The following ABHD17B variants were observed in gnomAD, a reference collection of about 807,000 sequenced individuals.
ABHD17B encodes the protein alpha/beta hydrolase domain-containing protein 17B.
In ABHD17B, 9 loss-of-function variants were observed where a neutral mutation model predicts 26.2. The ratio of observed to expected loss-of-function variants is 0.34; its 90% CI spans 0.21 to 0.60. The LOEUF (loss-of-function observed/expected upper bound fraction) is 0.60. Ranked by LOEUF, ABHD17B falls within the 20% of genes least tolerant of loss-of-function variation. The probability of loss-of-function intolerance (pLI) is 0.80; values close to 1 mark genes in which losing one functional copy is unlikely to be tolerated. For missense variants in ABHD17B, 224 were observed against 352.1 expected (o/e 0.64, Z 2.91); for synonymous variants, 127 against 122.3 (o/e 1.04, Z -0.25).
chr9:71,880,564 GA>G (rs1826410363), intron 1 of ABHD17B, among the ~76,000 whole-genome samples: 1 of 151,970 alleles, frequency 6.6e-6, no homozygotes, highest in African/African-American at 2.4e-5. Flanking sequence ...AAAACCAAAA[GA>G]ATCTAGAAAG....
chr9:71,888,275 T>C (rs994274531), intron 1 of ABHD17B, among the ~76,000 whole-genome samples: 1 of 152,230 alleles, frequency 6.6e-6, no homozygotes, highest in African/African-American at 2.4e-5. Flanking sequence ...AGTCACACCT[T>C]TACCTGTTGC....
At chr9:71,890,587 T>C (rs1826752948) in intron 1 of ABHD17B, among the ~76,000 whole-genome samples, 1 of 152,212 alleles carries the variant, frequency 6.6e-6, no homozygotes, top group Admixed American at 6.5e-5. Flanking sequence ...TACAGTGTCA[T>C]TCACTGCCCA....
downstream of ABHD17B, among the ~76,000 whole-genome samples, chr9:71,864,208 A>ACTTT (rs561514820): frequency 1.3e-4 from 13 of 97,822 alleles, no homozygotes; most frequent in African/African-American, 3.6e-4. Context: ...CATAGGCCAA[A>ACTTT]CTTTCTTTTT....
intron 1 of ABHD17B, among the ~76,000 whole-genome samples, chr9:71,907,675 C>A (rs1159027208): frequency 6.6e-6 from 1 of 152,098 alleles, no homozygotes; most frequent in Admixed American, 6.6e-5. Context: ...CCACACCCGG[C>A]TAATTTTGTA....
intron 1 of ABHD17B, among the ~76,000 whole-genome samples, chr9:71,894,121 A>G (rs1377836194): frequency 3.1e-3 from 399 of 128,622 alleles, no homozygotes; most frequent in African/African-American, 0.011. Context: ...AAAAAAAAAA[A>G]GGATACTTCA....
chr9:71,881,580 T>C lies in ABHD17B; in HGVS notation c.-3-6497A>G, dbSNP rs12001359. Among the ~76,000 whole-genome samples, 437 of 152,260 alleles carry C rather than the reference T, an allele frequency of 2.9e-3. 1 individual carries two copies. The highest frequency in any genetic ancestry group is 1.0e-2 in the African/African-American group (415 of 41,558). On this transcript the variant is annotated intron_variant, in intron 1 of 3. Coordinates refer to ENST00000333421, the MANE Select transcript of ABHD17B (RefSeq NM_001025780.3). ...GAATGTGAGAAAATACAAATAACCTTTACAATTCAACAATTTTAAAAGGAC... is the reference window on the plus strand; with the variant it reads ...GAATGTGAGAAAATACAAATAACCTCTACAATTCAACAATTTTAAAAGGAC...
At chr9:71,901,414 G>A (rs1434681923) in intron 1 of ABHD17B, among the ~76,000 whole-genome samples, 1 of 151,948 alleles carries the variant, frequency 6.6e-6, no homozygotes, top group African/African-American at 2.4e-5. Context: ...AATTTATACA[G>A]GATCACTTTA....
chr9:71,905,431 C>G (rs1827255317), intron 1 of ABHD17B, among the ~76,000 whole-genome samples: 1 of 152,138 alleles, frequency 6.6e-6, no homozygotes. Context: ...ATTTCATACT[C>G]CTCAGAATGG....
chr9:71,880,882 T>C (rs745564806), intron 1 of ABHD17B, among the ~76,000 whole-genome samples: 9 of 151,834 alleles, frequency 5.9e-5, no homozygotes, highest in Non-Finnish European at 1.0e-4. Flanking sequence ...CAGCAGAAAT[T>C]TGAGGAACTC....
At chr9:71,895,415 C>A (rs1243151290) in intron 1 of ABHD17B, among the ~76,000 whole-genome samples, 1 of 152,198 alleles carries the variant, frequency 6.6e-6, no homozygotes, top group Non-Finnish European at 1.5e-5. Context: ...TGCCTAAAGA[C>A]TATGTCCTGG....
At chr9:71,906,439 G>A (rs913053991) in intron 1 of ABHD17B, among the ~76,000 whole-genome samples, 17 of 152,258 alleles carry the variant, frequency 1.1e-4, no homozygotes, top group African/African-American at 2.9e-4. Context: ...GGTACAAAGC[G>A]TCTAATTACT....
downstream of ABHD17B, among the ~76,000 whole-genome samples, chr9:71,864,472 G>A (rs1179129710): frequency 6.6e-6 from 1 of 152,028 alleles, no homozygotes; most frequent in Non-Finnish European, 1.5e-5. Flanking sequence ...ACCTGCCTCA[G>A]CCTCCCAAAG....
At chr9:71,900,979 C>A (rs1827120313) in intron 1 of ABHD17B, among the ~76,000 whole-genome samples, 1 of 151,972 alleles carries the variant, frequency 6.6e-6, no homozygotes, top group African/African-American at 2.4e-5. Flanking sequence ...GAAACCCCGT[C>A]TCTCCTAAAA....
chr9:71,865,312 C>G lies in ABHD17B; in HGVS notation c.*1475G>C. On this transcript the variant is annotated 3_prime_UTR_variant, in exon 4 of 4. Coordinates refer to ENST00000333421, the MANE Select transcript of ABHD17B (RefSeq NM_001025780.3). ...TACATAAGGCCTTAAAATATATCCA[C>G]AGTGTGTATTATTTCCATATTCATT... 1.5e-5 allele frequency: 15 copies of G among 985,456 alleles called. No homozygotes were observed. The highest frequency in any genetic ancestry group is 1.7e-5 in the Non-Finnish European group (14 of 829,590). 61.0% of individuals were successfully genotyped at this position (985,456 alleles called of 1,614,324 possible). A position where few individuals can be genotyped will look rare whatever the true frequency, so the allele number is the denominator to read the frequency against.
At chr9:71,875,421 C>G (rs1217098202) in intron 1 of ABHD17B, among the ~76,000 whole-genome samples, 2 of 152,086 alleles carry the variant, frequency 1.3e-5, no homozygotes, top group African/African-American at 4.8e-5. Context: ...GATGGGGTTT[C>G]TCCATGTTGA....
At chr9:71,903,368 T>A (rs376992114) in intron 1 of ABHD17B, among the ~76,000 whole-genome samples, 4 of 152,316 alleles carry the variant, frequency 2.6e-5, no homozygotes, top group Middle Eastern at 3.4e-3. Flanking sequence ...AATCTACGTA[T>A]TTTTGCTTTT....
In ABHD17B at chr9:71,866,700, C is replaced by T; in HGVS notation, c.*87G>A. On this transcript the variant is annotated 3_prime_UTR_variant, in exon 4 of 4. Transcript: ENST00000333421. ...TTATGAAGGCAACTGACATGATTTG[C>T]AAACAAAACCTTCAGGTTTTATGTT... The T allele has an allele frequency of 6.5e-7, 1 of 1,532,926 alleles. No individual in the cohort carries two copies. Among genetic ancestry groups the T allele is most frequent in the Non-Finnish European group, 8.8e-7 (1 of 1,140,912 alleles). 95.0% of individuals were successfully genotyped at this position (1,532,926 alleles called of 1,614,324 possible).
At chr9:71,899,482 T>G (rs996783688) in intron 1 of ABHD17B, among the ~76,000 whole-genome samples, 1 of 152,226 alleles carries the variant, frequency 6.6e-6, no homozygotes, top group Non-Finnish European at 1.5e-5. Context: ...TTACAAATGT[T>G]GCACATCAGG....
At chr9:71,900,364 T>C (rs2132201008) in intron 1 of ABHD17B, among the ~76,000 whole-genome samples, 1 of 152,318 alleles carries the variant, frequency 6.6e-6, no homozygotes, top group Admixed American at 6.5e-5. Flanking sequence ...CTTCTCTCTC[T>C]ACTTGTAAAA....
Sources: allele counts gnomAD v4.1 joint callset (sites outside exome capture counted in the v4.1 genomes callset), GRCh38; gene constraint gnomAD v4.1.1; transcripts MANE v1.5; gene names NCBI Gene and HGNC (gene_info 2026-07-23, HGNC 2026-07-21).